Variants in ADCY5 observed in about 807,000 individuals in gnomAD.
The protein encoded by ADCY5 is adenylate cyclase type 5.
Under a neutral mutation model 119.7 loss-of-function variants are expected in ADCY5, and 30 were observed. That is an observed-to-expected ratio of 0.25 (90% CI 0.19 to 0.34). The LOEUF (loss-of-function observed/expected upper bound fraction) is 0.34. Ranked by LOEUF, ADCY5 falls within the 10% of genes least tolerant of loss-of-function variation. The pLI is 1.00. For missense variants in ADCY5, 1,324 were observed against 1,775.2 expected (o/e 0.75, Z 4.57); for synonymous variants, 753 against 762.2 (o/e 0.99, Z 0.20).
At chr3:123,396,060 G>GGGAGAGAGAGAGGGAGGGAGAGAGGGA (rs1944548594) in intron 1 of ADCY5, among the ~76,000 whole-genome samples, 2 of 80,274 alleles carry the variant, frequency 2.5e-5, no homozygotes, top group Non-Finnish European at 2.8e-5. Flanking sequence ...GAGGGAGGGA[G>GGGAGAGAGAGAGGGAGGGAGAGAGGGA]GGTGGGAGGG....
chr3:123,301,604 TG>T (rs1448553628), intron 14 of ADCY5, among the ~76,000 whole-genome samples: 1 of 151,932 alleles, frequency 6.6e-6, no homozygotes, highest in Admixed American at 6.6e-5. Context: ...TTGAGGGAGG[TG>T]GTCAGCTGGT....
chr3:123,426,566 G>A (rs1479029151), intron 1 of ADCY5, among the ~76,000 whole-genome samples: 1 of 152,078 alleles, frequency 6.6e-6, no homozygotes, highest in African/African-American at 2.4e-5. Context: ...GGAGACCTCA[G>A]GTGATCTGCC....
At chr3:123,403,306 A>C (rs1211789445) in intron 1 of ADCY5, among the ~76,000 whole-genome samples, 1 of 150,898 alleles carries the variant, frequency 6.6e-6, no homozygotes, top group Non-Finnish European at 1.5e-5. Flanking sequence ...GAACCTGGGA[A>C]GATGAGGCTG....
intron 1 of ADCY5, among the ~76,000 whole-genome samples, chr3:123,394,816 A>G (rs1182386320): frequency 6.6e-6 from 1 of 152,228 alleles, no homozygotes; most frequent in Admixed American, 6.5e-5. Context: ...AACTAATGCA[A>G]TGGTGACCTG....
In ADCY5 at chr3:123,368,053, G is replaced by C. The variant is rs74727959; in HGVS notation, c.1135-15472C>G. ...CAGGGGCCCCAGAGATTGCCTGGGG[G>C]AGAGAGGCAGGAAGATTCAGTGAGA... is the stretch of plus-strand genomic sequence containing the variant. On this transcript the variant is annotated intron_variant, in intron 1 of 20. Coordinates refer to ENST00000462833, the MANE Select transcript of ADCY5 (RefSeq NM_183357.3). The C allele has an allele frequency of 8.9e-4, 1,298 of 1,458,958 alleles. 7 individuals carry two copies. The African/African-American group carries it at 0.017, about 19-fold the overall frequency. 90.4% of individuals were successfully genotyped at this position (1,458,958 alleles called of 1,614,324 possible). A position where few individuals can be genotyped will look rare whatever the true frequency, so the allele number is the denominator to read the frequency against.
chr3:123,442,581 G>A (rs780446711), intron 1 of ADCY5, among the ~76,000 whole-genome samples: 2 of 152,190 alleles, frequency 1.3e-5, no homozygotes, highest in Non-Finnish European at 2.9e-5. Context: ...AAACATGAAC[G>A]CACTGTTCTG....
chr3:123,428,601 G>T (rs762725286), intron 1 of ADCY5, among the ~76,000 whole-genome samples: 8 of 152,180 alleles, frequency 5.3e-5, no homozygotes, highest in African/African-American at 1.9e-4. Context: ...ACCTCCTGGT[G>T]CAGTGAACAT....
chr3:123,420,589 T>C (rs1945284555), intron 1 of ADCY5, among the ~76,000 whole-genome samples: 1 of 152,188 alleles, frequency 6.6e-6, no homozygotes, highest in Admixed American at 6.5e-5. Context: ...CTGAGACAGA[T>C]GCCAGAGGCT....
chr3:123,395,667 C>T (rs1423440658), intron 1 of ADCY5, among the ~76,000 whole-genome samples: 3 of 151,632 alleles, frequency 2.0e-5, no homozygotes, highest in African/African-American at 7.3e-5. Flanking sequence ...TGCTTGAGTC[C>T]AGGAGTTCAA....
chr3:123,411,177 T>C (rs761254513), intron 1 of ADCY5, among the ~76,000 whole-genome samples: 9 of 152,124 alleles, frequency 5.9e-5, no homozygotes, highest in African/African-American at 9.7e-5. Flanking sequence ...ACCTCTTCCA[T>C]TGCAGTTTCC....
intron 1 of ADCY5, chr3:123,367,910 A>G: frequency 3.3e-6 from 5 of 1,535,400 alleles, no homozygotes; most frequent in Non-Finnish European, 2.6e-6. Flanking sequence ...CTTACCTCCA[A>G]CTGAGTGCGG....
At chr3:123,419,943 A>C (rs2107635710) in intron 1 of ADCY5, among the ~76,000 whole-genome samples, 1 of 146,348 alleles carries the variant, frequency 6.8e-6, no homozygotes, top group African/African-American at 2.6e-5. Flanking sequence ...CCACCCCTCC[A>C]CCCAGCACAA....
chr3:123,349,825 C>G (rs1942747331), intron 2 of ADCY5, among the ~76,000 whole-genome samples: 1 of 152,216 alleles, frequency 6.6e-6, no homozygotes, highest in Admixed American at 6.5e-5. Context: ...GATCACTTTG[C>G]TTGTCTCCAA....
At chr3:123,408,036 C>T (rs115507040) in intron 1 of ADCY5, among the ~76,000 whole-genome samples, 2,622 of 151,724 alleles carry the variant, frequency 0.017, 67 homozygotes, top group African/African-American at 0.059. Flanking sequence ...TTAGAAAACG[C>T]ATCAATTATG....
rs774646514 is a variant in ADCY5, at chr3:123,297,387, G to A, written c.2901-5C>T. On this transcript the variant is annotated splice_region_variant and splice_polypyrimidine_tract_variant and intron_variant, in intron 15 of 20. Transcript: ENST00000462833. ...GTCCCGTTGTTGAAGAAGTCTCTGT[G>A]AAGAGAGTTGGGGAAGACTGGTCAG... 6 of 1,613,928 alleles carry A rather than the reference G, an allele frequency of 3.7e-6. No individual in the cohort carries two copies. The highest frequency in any genetic ancestry group is 5.1e-6 in the Non-Finnish European group (6 of 1,179,940).
At chr3:123,319,951 C>T in intron 9 of ADCY5, 133 bp from the exon 10 acceptor site, 6 of 1,279,668 alleles carry the variant, frequency 4.7e-6, no homozygotes, top group Non-Finnish European at 6.4e-6. Flanking sequence ...ATCAGGGCAG[C>T]GGGAGCTGAG....
In ADCY5 at chr3:123,284,693, T is replaced by A. The variant is rs920236395; in HGVS notation, c.3701A>T (p.Gln1234Leu). 9.9e-6 allele frequency: 16 copies of A among 1,614,230 alleles called. No homozygotes were observed. The highest frequency in any genetic ancestry group is 1.4e-5 in the Non-Finnish European group (16 of 1,180,036). ...MYQVLAANTY[Q>L]LECRGVVKVK... The stretch of plus-strand genomic sequence containing the variant: ...CTTGACCACGCCCCGGCACTCCAGC[T>A]GGTACGTGTTGGCAGCCAGCACCTG... The change falls in exon 21 of 21, where the codon CAG (glutamine) becomes CTG (leucine). Residue 1234 changes from glutamine (Q) to leucine (L), a missense_variant. By Grantham distance (113) the Gln-to-Leu change is moderately radical (BLOSUM62 -2). Around this residue, in one of 6 missense-constraint regions of ADCY5, gnomAD observed 178 missense variants for 329.6 expected, o/e 0.54. Coordinates refer to ENST00000462833, the MANE Select transcript of ADCY5 (RefSeq NM_183357.3).
rs143354183 is a variant in ADCY5 at position 123,388,911 on chromosome 3, G to A, written c.1135-36330C>T. ...TTGGAGGAGAGAGACGTGAGAGATG[G>A]AGGCACGCCAGGGAGTGAAGGAGGT... On this transcript the variant is annotated intron_variant, in intron 1 of 20. Coordinates refer to ENST00000462833, the MANE Select transcript of ADCY5 (RefSeq NM_183357.3). Among the ~76,000 whole-genome samples, 62 of 152,288 alleles carry A rather than the reference G, an allele frequency of 4.1e-4. 1 individual carries two copies. The East Asian group carries it at 0.011, about 28-fold the overall frequency.
Position 123,299,913 on chromosome 3 carries a change from G to A in ADCY5, c.2900+207C>T, listed in dbSNP as rs558919684. Among the ~76,000 whole-genome samples, 183 of 152,320 alleles carry A rather than the reference G, an allele frequency of 1.2e-3. 2 individuals carry two copies. The highest frequency in any genetic ancestry group is 1.9e-3 in the Non-Finnish European group (127 of 68,030). On this transcript the variant is annotated intron_variant, in intron 15 of 20. Transcript: ENST00000462833. Reference sequence around the variant, plus strand: ...AGCAAACCAGAGAAAGAAACACAGTGGGGCCTGGTGACCTGAGGCCACTCC... The same window carrying A: ...AGCAAACCAGAGAAAGAAACACAGTAGGGCCTGGTGACCTGAGGCCACTCC...
Sources: gnomAD v4.1 joint callset for allele counts (sites outside exome capture counted in the v4.1 genomes callset) on GRCh38, gnomAD v4.1.1 for gene constraint, gnomAD v4.1.1 regional missense constraint, MANE v1.5 for transcripts, NCBI Gene and HGNC (gene_info 2026-07-23, HGNC 2026-07-21) for gene names.